IFT74: variants seen among roughly 807,000 people sequenced by gnomAD.
IFT74 encodes intraflagellar transport 74, also known as intraflagellar transport protein 74 homolog.
Under a neutral mutation model 96.7 loss-of-function variants are expected in IFT74, and 92 were observed. The observed-to-expected ratio is 0.95, with a 90% CI of 0.80 to 1.13. The LOEUF (loss-of-function observed/expected upper bound fraction) is 1.13, where lower values mean the gene tolerates loss of function less well. Ranked by LOEUF, IFT74 falls within the 50% of genes most tolerant of loss-of-function variation. The pLI is 0.00. For missense variants in IFT74, 811 were observed against 698.2 expected (o/e 1.16, Z -1.82); for synonymous variants, 223 against 213.2 (o/e 1.05, Z -0.40).
intron 12 of IFT74, among the ~76,000 whole-genome samples, chr9:27,020,879 A>T (rs1215077812): frequency 6.6e-6 from 1 of 152,108 alleles, no homozygotes; most frequent in Non-Finnish European, 1.5e-5. Flanking sequence ...TCAACCAAGC[A>T]GTGTCCACTC....
Position 27,065,846 on chromosome 9 carries a change from T to C in IFT74, c.*3110T>C, listed in dbSNP as rs1393077025. ...CACTAGAGAATTGTAGTAATCTATT[T>C]TTAAATTGATATTGTGTCTCATTTT... On this transcript the variant is annotated 3_prime_UTR_variant, in exon 20 of 20. Coordinates refer to ENST00000380062, the MANE Select transcript of IFT74 (RefSeq NM_025103.4). Among the ~76,000 whole-genome samples, 1 of 152,252 alleles carries C rather than the reference T, an allele frequency of 6.6e-6. No homozygotes were observed. Among genetic ancestry groups the C allele is most frequent in the East Asian group, 1.9e-4 (1 of 5,202 alleles).
chr9:27,031,560 C>T lies in IFT74; in HGVS notation c.1054+2456C>T, dbSNP rs73438204. ...AGTCCTTCAGAGTAAATAGTTTCTT[C>T]GACCACTTAGCTGAAATCAGGCCCT... On this transcript the variant is annotated intron_variant, in intron 13 of 19. Transcript: ENST00000380062. 9.9e-3 allele frequency among the ~76,000 whole-genome samples: 1,458 copies of T among 147,872 alleles called. 29 individuals carry two copies. Among genetic ancestry groups the T allele is most frequent in the African/African-American group, 0.034 (1,388 of 40,420 alleles).
chr9:27,021,600 T>C (rs914051368), intron 12 of IFT74, among the ~76,000 whole-genome samples: 1 of 152,248 alleles, frequency 6.6e-6, no homozygotes, highest in African/African-American at 2.4e-5. Flanking sequence ...CATCATTTCC[T>C]ATGATTGTTG....
intron 8 of IFT74, among the ~76,000 whole-genome samples, chr9:27,006,565 C>T (rs977677174): frequency 1.3e-5 from 2 of 148,628 alleles, no homozygotes; most frequent in South Asian, 2.2e-4. Context: ...CTACCACAGT[C>T]TAGTCTGGGT....
intron 12 of IFT74, among the ~76,000 whole-genome samples, chr9:27,023,853 A>G (rs147561233): frequency 3.5e-4 from 53 of 152,290 alleles, no homozygotes; most frequent in Admixed American, 2.2e-3. Context: ...AGACACGCCT[A>G]ACCCTGCCCC....
At position 27,032,619 on chromosome 9, in the gene IFT74, G is replaced by A. The variant is rs13295065; in HGVS notation, c.1054+3515G>A. Among the ~76,000 whole-genome samples the A allele has an allele frequency of 9.7e-3, 1,481 of 152,158 alleles. 10 individuals are homozygous for A. Among genetic ancestry groups the A allele is most frequent in the Non-Finnish European group, 0.015 (1,007 of 67,994 alleles). ...GCAGTGGCTCACGCCTGTAATCCCA[G>A]CACTTTGGGAGGCTGAGGCAGGCGG... On this transcript the variant is annotated intron_variant, in intron 13 of 19. Transcript: ENST00000380062.
At chr9:26,977,550 A>G (rs183230357) in intron 2 of IFT74, among the ~76,000 whole-genome samples, 1 of 152,246 alleles carries the variant, frequency 6.6e-6, no homozygotes, top group East Asian at 1.9e-4. Context: ...GTGCAGTGGC[A>G]TGATCTCGGC....
chr9:26,980,670 A>T (rs373430046), intron 4 of IFT74, 51 bp downstream of exon 4: 9 of 1,181,026 alleles, frequency 7.6e-6, no homozygotes, highest in Non-Finnish European at 1.1e-5. Context: ...AATATTGTGT[A>T]CCTTCTGTCA....
At chr9:26,996,648 A>C (rs766380665) in intron 8 of IFT74, 2 of 468,512 alleles carry the variant, frequency 4.3e-6, no homozygotes, top group East Asian at 3.4e-5. Context: ...CAACATAATG[A>C]AAGAATGATG....
At chr9:27,029,471 G>C (rs2131643515) in intron 13 of IFT74, among the ~76,000 whole-genome samples, 1 of 152,232 alleles carries the variant, frequency 6.6e-6, no homozygotes, top group African/African-American at 2.4e-5. Flanking sequence ...TAGTCGGCCG[G>C]GTGTGGTGGC....
intron 8 of IFT74, among the ~76,000 whole-genome samples, chr9:27,003,204 TG>T (rs1163611449): frequency 7.3e-5 from 11 of 151,386 alleles, no homozygotes; most frequent in East Asian, 3.9e-4. Context: ...ATTTAGGGTT[TG>T]TTTTTTTTTT....
chr9:26,999,752 CTT>C, intron 8 of IFT74: 1 of 826,000 alleles, frequency 1.2e-6, no homozygotes, highest in Non-Finnish European at 1.8e-6. Flanking sequence ...ATTTTTCCCT[CTT>C]TTGAATCTGT....
At chr9:26,972,695 C>T (rs781642867) in intron 2 of IFT74, among the ~76,000 whole-genome samples, 2 of 152,024 alleles carry the variant, frequency 1.3e-5, no homozygotes, top group Non-Finnish European at 2.9e-5. Flanking sequence ...CCAATTAATC[C>T]TAAAAATTTT....
chr9:27,042,900 A>G (rs1819538562), intron 13 of IFT74, among the ~76,000 whole-genome samples: 1 of 151,794 alleles, frequency 6.6e-6, no homozygotes, highest in African/African-American at 2.4e-5. Flanking sequence ...GCAAACTCCA[A>G]CTCTTTCTGT....
In IFT74 at chr9:26,947,866, G is replaced by C. The variant is rs551742929; in HGVS notation, c.-20+720G>C. 5.9e-5 allele frequency among the ~76,000 whole-genome samples: 9 copies of C among 152,196 alleles called. No homozygotes were observed. In the South Asian group the frequency reaches 6.2e-4, roughly 11 times the overall value. On this transcript the variant is annotated intron_variant, in intron 1 of 19. Transcript: ENST00000433700. ...TTAAAATGTAGATTCTGATTCAGTA[G>C]GTCTGAGTTAGAGCTGAGATACGTA...
chr9:26,954,496 T>C (rs1826020763), upstream of IFT74, among the ~76,000 whole-genome samples: 1 of 152,058 alleles, frequency 6.6e-6, no homozygotes, highest in Admixed American at 6.6e-5. Flanking sequence ...AAATAAGCTC[T>C]TTAAAATTTT....
chr9:26,989,631 A>G (rs1017886188), intron 7 of IFT74, among the ~76,000 whole-genome samples: 2 of 152,176 alleles, frequency 1.3e-5, no homozygotes, highest in African/African-American at 4.8e-5. Context: ...TCACTAATTA[A>G]GAATCTTATT....
chr9:26,986,665 C>G (rs750378275), intron 6 of IFT74, among the ~76,000 whole-genome samples: 38 of 152,124 alleles, frequency 2.5e-4, no homozygotes, highest in Non-Finnish European at 3.8e-4. Flanking sequence ...CTCTGTTGCT[C>G]TGGCTGAAGT....
chr9:27,004,399 G>A (rs1407202307), intron 8 of IFT74, among the ~76,000 whole-genome samples: 5 of 152,190 alleles, frequency 3.3e-5, no homozygotes, highest in Admixed American at 3.3e-4. Context: ...CTGAAGCTGT[G>A]AAATACATTG....
Sources: gnomAD v4.1 joint callset for allele counts (sites outside exome capture counted in the v4.1 genomes callset) on GRCh38, gnomAD v4.1.1 for gene constraint, MANE v1.5 for transcripts, NCBI Gene and HGNC (gene_info 2026-07-23, HGNC 2026-07-21) for gene names.